BAHCC1: variants seen among roughly 807,000 people sequenced by gnomAD.
BAHCC1 encodes BAH domain and coiled-coil containing 1.
BAHCC1 carries 43 observed loss-of-function variants against 88.2 expected under a neutral mutation model. The observed-to-expected ratio is 0.49, with a 90% CI of 0.38 to 0.63. The LOEUF (loss-of-function observed/expected upper bound fraction) is 0.63. BAHCC1 is among the 20% of genes least tolerant of loss of function. The probability of loss-of-function intolerance (pLI) is 0.00; values close to 1 mark genes in which losing one functional copy is unlikely to be tolerated. For missense variants in BAHCC1, 3,023 were observed against 1,654.8 expected, an observed-to-expected ratio of 1.83 and a Z score of -14.34; for synonymous variants, 1,510 against 745.5, an observed-to-expected ratio of 2.03 and a Z score of -16.71.
Position 81,435,564 on chromosome 17 carries a change from G to A in BAHCC1, c.359-2806G>A, listed in dbSNP as rs535307334. The A allele has an allele frequency of 4.4e-6, 2 of 458,130 alleles. No individual in the cohort carries two copies. The highest frequency in any genetic ancestry group is 2.0e-5 in the African/African-American group (1 of 49,352). 28.4% of individuals were successfully genotyped at this position (458,130 alleles called of 1,614,324 possible). The stretch of plus-strand genomic sequence containing the variant: ...GTCTCAAAGGGGTCTGGGAAGGGGA[G>A]GTTCTGGAGCCCCGACGTTCTAGCA... On this transcript the variant is annotated intron_variant, in intron 3 of 27. Transcript: ENST00000675386. The surrounding 1 kb of genome is among the most constrained non-coding windows in gnomAD (Gnocchi z 4.4).
chr17:81,418,637 G>A (rs782413496), intron 2 of BAHCC1, among the ~76,000 whole-genome samples: 1 of 152,200 alleles, frequency 6.6e-6, no homozygotes, highest in African/African-American at 2.4e-5. Flanking sequence ...AGGTCAGTAA[G>A]TGGATAAGTC....
chr17:81,462,649 C>G, intron 26 of BAHCC1, 91 bp from the exon 27 acceptor site: 1 of 674,320 alleles, frequency 1.5e-6, no homozygotes, highest in Non-Finnish European at 2.7e-6. Context: ...CTCACACTCA[C>G]ACCCACACCA....
At chr17:81,433,846 T>G (rs943500143) in intron 3 of BAHCC1, among the ~76,000 whole-genome samples, 1 of 152,210 alleles carries the variant, frequency 6.6e-6, no homozygotes, top group African/African-American at 2.4e-5. Flanking sequence ...AGCCCAGCAC[T>G]CGGGGCCTGG....
rs782070092 is a variant in BAHCC1 at position 81,457,493 on chromosome 17, G to C, written c.4942G>C (p.Gly1648Arg). 2 of 763,304 alleles carry C rather than the reference G, an allele frequency of 2.6e-6. No homozygotes were observed. The highest frequency in any genetic ancestry group is 2.4e-6 in the Non-Finnish European group (1 of 410,300). The allele number at this position is 763,304 out of a possible 1,614,324, so 47.3% of individuals were successfully genotyped here. The change falls in exon 17 of 28, where the codon GGG (glycine) becomes CGG (arginine). Residue 1648 changes from glycine to arginine, a missense_variant. Physicochemically the swap from Gly to Arg is moderately radical, Grantham distance 125. Transcript: ENST00000675386. ...GGAAGCAGGGCTGCTGCTGCACACC[G>C]GGGCCAGTGTGGCCGTGCTGGGGCC... ...PREAGLLLHT[G>R]ASVAVLGPSP...
At chr17:81,405,366 T>C (rs2063865676) in intron 2 of BAHCC1, among the ~76,000 whole-genome samples, 1 of 152,156 alleles carries the variant, frequency 6.6e-6, no homozygotes, top group Non-Finnish European at 1.5e-5. Flanking sequence ...GTGCCCGGCC[T>C]CTGGTGTCTT....
chr17:81,448,873 G>A (rs1250036721), intron 11 of BAHCC1, among the ~76,000 whole-genome samples: 7 of 150,770 alleles, frequency 4.6e-5, no homozygotes, highest in African/African-American at 1.7e-4. Flanking sequence ...GCTCCACCTG[G>A]ACCCCCCAGA....
intron 2 of BAHCC1, among the ~76,000 whole-genome samples, chr17:81,409,075 T>C: frequency 6.6e-6 from 1 of 152,160 alleles, no homozygotes; most frequent in Non-Finnish European, 1.5e-5. Context: ...GAGGTGGCAG[T>C]GGTGAGAGAC....
Position 81,447,799 on chromosome 17 carries a change from G to A in BAHCC1, c.3927G>A (p.Glu1309=), listed in dbSNP as rs2064562117. The A allele has an allele frequency of 1.3e-6, 1 of 752,100 alleles. No homozygotes were observed. Among genetic ancestry groups the A allele is most frequent in the South Asian group, 1.4e-5 (1 of 70,578 alleles). 46.6% of individuals were successfully genotyped at this position (752,100 alleles called of 1,614,324 possible). ...SGIHGIALLS[E]LADLAIQRQR... is the part of the protein sequence containing the mutation. ...TTCATGGGATCGCTCTGCTCAGCGA[G>A]CTGGCTGACCTGGCAATCCAGCGGC... The change falls in exon 11 of 28, where the codon GAG becomes GAA. Residue 1309 remains glutamate, a synonymous_variant. Transcript: ENST00000675386.
At chr17:81,432,443 G>A (rs2064271030) in intron 3 of BAHCC1, among the ~76,000 whole-genome samples, 2 of 151,976 alleles carry the variant, frequency 1.3e-5, no homozygotes, top group South Asian at 4.2e-4. Flanking sequence ...CGAAGGTTTT[G>A]GGGGTCGTGT....
chr17:81,416,253 C>CGT (rs1166434088), intron 2 of BAHCC1, among the ~76,000 whole-genome samples: 1 of 59,148 alleles, frequency 1.7e-5, no homozygotes, highest in East Asian at 5.1e-4. Flanking sequence ...CGTGTGTGTA[C>CGT]GTGTGTGTGT....
chr17:81,405,616 G>C (rs1199103043), intron 2 of BAHCC1, among the ~76,000 whole-genome samples: 1 of 152,182 alleles, frequency 6.6e-6, no homozygotes, highest in African/African-American at 2.4e-5. Context: ...CCTGGGCTGG[G>C]AATTCCCAAG....
Position 81,411,554 on chromosome 17 carries a change from T to G in BAHCC1, c.178+11637T>G, listed in dbSNP as rs1438404867. The stretch of plus-strand genomic sequence containing the variant: ...TTCCTTCCTTCCTTCCTTCCTTCCT[T>G]CCTTCCTTCCTTCCTTCCTTGAGAG... On this transcript the variant is annotated intron_variant, in intron 2 of 27. Coordinates refer to ENST00000675386, the MANE Select transcript of BAHCC1 (RefSeq NM_001377448.1). This position sits in a 1 kb window ranked among gnomAD's most constrained non-coding sequence, Gnocchi z 6.2. The G allele has an allele frequency of 9.8e-6, 4 of 410,182 alleles. No homozygotes were observed. The highest frequency in any genetic ancestry group is 2.2e-5 in the African/African-American group (1 of 46,368). The allele number at this position is 410,182 out of a possible 1,614,324, so 25.4% of individuals were successfully genotyped here. A position where few individuals can be genotyped will look rare whatever the true frequency, so the allele number is the denominator to read the frequency against.
At position 81,411,256 on chromosome 17, in the gene BAHCC1, T is replaced by C. The variant is rs1316499096; in HGVS notation, c.178+11339T>C. On this transcript the variant is annotated intron_variant, in intron 2 of 27. Transcript: ENST00000675386. This position sits in a 1 kb window ranked among gnomAD's most constrained non-coding sequence, Gnocchi z 6.2. Reference sequence around the variant, plus strand: ...GACTCGCCACCCCCAGTTGAGCAGCTCCCCTTCTCGGCAGCTCCCAAACCC... The same window carrying C: ...GACTCGCCACCCCCAGTTGAGCAGCCCCCCTTCTCGGCAGCTCCCAAACCC... 9 of 493,082 alleles carry C rather than the reference T, an allele frequency of 1.8e-5. No homozygotes were observed. Among genetic ancestry groups the C allele is most frequent in the Admixed American group, 4.2e-5 (2 of 47,114 alleles). 30.5% of individuals were successfully genotyped at this position (493,082 alleles called of 1,614,324 possible).
At chr17:81,443,590 G>A (rs782450320) in intron 5 of BAHCC1, 26 bp downstream of exon 5, 7 of 621,474 alleles carry the variant, frequency 1.1e-5, no homozygotes, top group South Asian at 3.6e-5. Context: ...AGAGAGGGAG[G>A]CAGGCCGGGA....
At chr17:81,424,428 G>A (rs1235327405) in intron 2 of BAHCC1, among the ~76,000 whole-genome samples, 2 of 152,248 alleles carry the variant, frequency 1.3e-5, no homozygotes, top group African/African-American at 4.8e-5. Flanking sequence ...TCCCTGTGAA[G>A]AGGAGGCCCA....
At chr17:81,427,167 G>T (rs2064210111) in intron 3 of BAHCC1, among the ~76,000 whole-genome samples, 188 bp downstream of exon 3, 1 of 152,174 alleles carries the variant, frequency 6.6e-6, no homozygotes, top group South Asian at 2.1e-4. Context: ...TGATTGGTTG[G>T]AAACAAGGGC....
At chr17:81,426,061 GGGTGATGTGGTTGGT>G (rs1598473121) in intron 2 of BAHCC1, among the ~76,000 whole-genome samples, 17 of 145,498 alleles carry the variant, frequency 1.2e-4, no homozygotes, top group African/African-American at 3.2e-4. Flanking sequence ...TGGTGGTGGT[GGGTGATGTGGTTGGT>G]GGTGATGTGG....
rs2064561797 is a variant in BAHCC1, at chr17:81,447,786, C to T, written c.3914C>T (p.Ala1305Val). The T allele has an allele frequency of 1.3e-6, 1 of 751,800 alleles. No homozygotes were observed. The highest frequency in any genetic ancestry group is 1.4e-5 in the South Asian group (1 of 70,540). The allele number at this position is 751,800 out of a possible 1,614,324, so 46.6% of individuals were successfully genotyped here. Residue 1305 changes from alanine (A) to valine (V), a missense_variant, in exon 11 of 28, where the codon GCT (alanine) becomes GTT (valine). By Grantham distance (64) the Ala-to-Val change is moderately conservative. Coordinates refer to ENST00000675386, the MANE Select transcript of BAHCC1 (RefSeq NM_001377448.1). ...LPHSSGIHGI[A>V]LLSELADLAI... Reference sequence around the variant, plus strand: ...CATAGCTCAGGGATTCATGGGATCGCTCTGCTCAGCGAGCTGGCTGACCTG... The same window carrying T: ...CATAGCTCAGGGATTCATGGGATCGTTCTGCTCAGCGAGCTGGCTGACCTG...
intron 10 of BAHCC1, among the ~76,000 whole-genome samples, chr17:81,445,900 C>T (rs1420402831): frequency 3.9e-5 from 6 of 152,364 alleles, no homozygotes; most frequent in South Asian, 2.1e-4. Context: ...CCTTCCTGGC[C>T]GTGGGCTGAC....
Sources: gnomAD v4.1 joint callset for allele counts (sites outside exome capture counted in the v4.1 genomes callset) on GRCh38, gnomAD v4.1.1 for gene constraint, Gnocchi (gnomAD v3.1) non-coding constraint, MANE v1.5 for transcripts, NCBI Gene and HGNC (gene_info 2026-07-23, HGNC 2026-07-21) for gene names.